AP3B1: variants seen among roughly 807,000 people sequenced by gnomAD.
AP3B1 encodes the protein AP-3 complex subunit beta-1.
In AP3B1, 61 loss-of-function variants were observed where a neutral mutation model predicts 132.5. That is an observed-to-expected ratio of 0.46 (90% CI 0.37 to 0.57). The LOEUF (loss-of-function observed/expected upper bound fraction) is 0.57. Among genes scored for constraint, AP3B1 ranks in the 20% least tolerant of loss-of-function variants. The pLI, the probability that AP3B1 is intolerant of heterozygous loss-of-function variation, is 0.00. For synonymous variants in AP3B1, 388 were observed against 438.3 expected, an observed-to-expected ratio of 0.89 and a Z score of 1.43; for missense variants, 1,120 against 1,289.4, an observed-to-expected ratio of 0.87 and a Z score of 2.01.
intron 2 of AP3B1, among the ~76,000 whole-genome samples, chr5:78,260,236 T>C (rs957969136): frequency 6.6e-6 from 1 of 152,114 alleles, no homozygotes. Context: ...GAATGCCATC[T>C]ACATTCTCTT....
intron 1 of AP3B1, 26 bp downstream of exon 1, chr5:78,294,426 C>T: frequency 6.2e-7 from 1 of 1,613,918 alleles, no homozygotes; most frequent in Non-Finnish European, 8.5e-7. Flanking sequence ...CCCTCCCATC[C>T]CCGCAACCCA....
Position 78,259,073 on chromosome 5 carries a change from TAAAAATACAA to T in AP3B1, c.204+8437_204+8446del, listed in dbSNP as rs1318973251. Among the ~76,000 whole-genome samples the T allele has an allele frequency of 1.1e-4, 16 of 151,782 alleles. 1 individual carries two copies. The highest frequency in any genetic ancestry group is 6.2e-4 in the South Asian group (3 of 4,810). Reference sequence around the variant, plus strand: ...TAACACGGTGAAACCCCATCTCTATTAAAAATACAAAAAAATACAAAAAAATTAGCCAGGC... The same window carrying T: ...TAACACGGTGAAACCCCATCTCTATTAAAAATACAAAAAAATTAGCCAGGC... On this transcript the variant is annotated intron_variant, in intron 2 of 26. Coordinates refer to ENST00000255194, the MANE Select transcript of AP3B1 (RefSeq NM_003664.5).
At position 78,108,429 on chromosome 5, in the gene AP3B1, T is replaced by C. The variant is rs561391441; in HGVS notation, c.2397+1778A>G. On this transcript the variant is annotated intron_variant, in intron 20 of 26. Transcript: ENST00000255194. ...AACAGAAATAAATAAGTAGTTATGGTAGCTCCAAGGTGGAGAGTACTTATT... is the reference window on the plus strand; with the variant it reads ...AACAGAAATAAATAAGTAGTTATGGCAGCTCCAAGGTGGAGAGTACTTATT... Among the ~76,000 whole-genome samples, 8 of 152,302 alleles carry C rather than the reference T, an allele frequency of 5.3e-5. No individual in the cohort carries two copies. In the East Asian group the frequency reaches 1.4e-3, roughly 26 times the overall value.
chr5:78,220,878 C>G (rs1242742602), intron 6 of AP3B1, among the ~76,000 whole-genome samples: 1 of 152,070 alleles, frequency 6.6e-6, no homozygotes, highest in Admixed American at 6.6e-5. Flanking sequence ...GGGACCCCAT[C>G]TTTACAAAAA....
intron 22 of AP3B1, among the ~76,000 whole-genome samples, chr5:78,056,993 T>C (rs966764956): frequency 6.6e-6 from 1 of 152,220 alleles, no homozygotes; most frequent in African/African-American, 2.4e-5. Context: ...TGTCCAGAAA[T>C]AAATCCAACT....
chr5:78,039,736 C>T lies in AP3B1; in HGVS notation c.2578-462G>A, dbSNP rs1247370189. On this transcript the variant is annotated intron_variant, in intron 22 of 26. Transcript: ENST00000255194. ...GAGCTTGCAGTGAGCCGAGATCGCG[C>T]CACTGCACTCCAGCCTGGGCGACAG... Among the ~76,000 whole-genome samples the T allele has an allele frequency of 8.7e-5, 13 of 149,128 alleles. No homozygotes were observed. In the South Asian group the frequency reaches 2.5e-3, roughly 29 times the overall value.
intron 14 of AP3B1, 146 bp downstream of exon 14, chr5:78,156,112 A>T (rs1469285554): frequency 3.0e-6 from 2 of 659,472 alleles, no homozygotes; most frequent in Non-Finnish European, 5.3e-6. Context: ...ATTCCCTCCT[A>T]TAACAGCAAG....
intron 7 of AP3B1, among the ~76,000 whole-genome samples, chr5:78,203,076 T>C (rs1224950454): frequency 6.6e-6 from 1 of 152,184 alleles, no homozygotes; most frequent in Non-Finnish European, 1.5e-5. Flanking sequence ...CCCCATGGTT[T>C]CTAATGAGAA....
At chr5:78,242,709 C>G (rs1747194229) in intron 2 of AP3B1, among the ~76,000 whole-genome samples, 1 of 151,790 alleles carries the variant, frequency 6.6e-6, no homozygotes, top group South Asian at 2.1e-4. Context: ...GTGCAGCCTC[C>G]TCTAGAATAT....
Position 78,162,879 on chromosome 5 carries a change from T to C in AP3B1, c.1303A>G (p.Ile435Val), listed in dbSNP as rs1743444933. 2.5e-6 allele frequency: 4 copies of C among 1,613,830 alleles called. No homozygotes were observed. Among genetic ancestry groups the C allele is most frequent in the Non-Finnish European group, 3.4e-6 (4 of 1,179,854 alleles). The change falls in exon 13 of 27, where the codon ATC becomes GTC. Residue 435 changes from isoleucine to valine, a missense_variant. Physicochemically the swap from Ile to Val is conservative, Grantham distance 29 (BLOSUM62 3). Transcript: ENST00000255194. Reference protein sequence around the residue: ...IQTIGRCATNILEVTDTCLNG... With the variant: ...IQTIGRCATNVLEVTDTCLNG... ...AGGCACGTGTCAGTGACTTCCAAGATGTTGGTTGCACATCTGCCTATAGTC... is the reference window on the plus strand; with the variant it reads ...AGGCACGTGTCAGTGACTTCCAAGACGTTGGTTGCACATCTGCCTATAGTC...
rs552147367 is a variant in AP3B1 at position 78,142,900 on chromosome 5, G to A, written c.1474-1581C>T. On this transcript the variant is annotated intron_variant, in intron 14 of 26. Coordinates refer to ENST00000255194, the MANE Select transcript of AP3B1 (RefSeq NM_003664.5). Reference sequence around the variant, plus strand: ...GGAAAGAAAAGAGGTTATTTCTAACGTTCCAAAGGTTACACTGCATTAAGA... The same window carrying A: ...GGAAAGAAAAGAGGTTATTTCTAACATTCCAAAGGTTACACTGCATTAAGA... 1.1e-4 allele frequency among the ~76,000 whole-genome samples: 17 copies of A among 152,098 alleles called. No homozygotes were observed. In the South Asian group the frequency reaches 2.7e-3, roughly 24 times the overall value.
rs183765801 is a variant in AP3B1, at chr5:78,013,517, A to G, written c.3131+1893T>C. 2.0e-5 allele frequency among the ~76,000 whole-genome samples: 3 copies of G among 152,342 alleles called. No homozygotes were observed. The East Asian group carries it at 5.8e-4, about 29-fold the overall frequency. On this transcript the variant is annotated intron_variant, in intron 26 of 26. Coordinates refer to ENST00000255194, the MANE Select transcript of AP3B1 (RefSeq NM_003664.5). ...AAACAAGACTGCAGTATTGCTGGAT[A>G]CTAGGTGTTTCAGGTAAAATTTCAT...
intron 22 of AP3B1, among the ~76,000 whole-genome samples, chr5:78,080,079 G>A (rs1202402431): frequency 2.0e-5 from 3 of 152,130 alleles, no homozygotes; most frequent in African/African-American, 4.8e-5. Flanking sequence ...TGCGATCCTG[G>A]CTCTTGACAA....
chr5:78,129,291 T>C lies in AP3B1; in HGVS notation c.1667A>G (p.Gln556Arg). Residue 556 changes from glutamine (Q) to arginine (R), a missense_variant, in exon 16 of 27, where the codon CAG becomes CGG. This residue lies in a region of AP3B1 where 906 missense variants were observed against 997.1 expected (regional missense o/e 0.91). Transcript: ENST00000255194. ...ATACTTGCCGAGATTTAATATGTAC[T>C]GGGTAAGCAATTTTGTCTGTTGGAA... Reference protein sequence around the residue: ...TNSKQTKLLTQYILNLGKYDQ... With the variant: ...TNSKQTKLLTRYILNLGKYDQ... 6.2e-7 allele frequency: 1 copy of C among 1,612,360 alleles called. No individual in the cohort carries two copies. The highest frequency in any genetic ancestry group is 1.3e-5 in the African/African-American group (1 of 75,016).
intron 22 of AP3B1, among the ~76,000 whole-genome samples, chr5:78,069,851 T>C (rs917657020): frequency 1.5e-4 from 23 of 152,102 alleles, no homozygotes; most frequent in African/African-American, 5.1e-4. Context: ...CTTCAAACTA[T>C]ACTACAAGGC....
chr5:78,009,346 G>A (rs1746522849), intron 26 of AP3B1, among the ~76,000 whole-genome samples: 1 of 151,378 alleles, frequency 6.6e-6, no homozygotes, highest in African/African-American at 2.4e-5. Flanking sequence ...TGTAGTCCTA[G>A]CTACTCAGGA....
intron 11 of AP3B1, among the ~76,000 whole-genome samples, chr5:78,173,697 T>A (rs1744023142): frequency 6.7e-6 from 1 of 149,426 alleles, no homozygotes; most frequent in Non-Finnish European, 1.5e-5. Context: ...CTTTGGGGTG[T>A]TCTCTGTATT....
intron 2 of AP3B1, among the ~76,000 whole-genome samples, chr5:78,245,957 A>G (rs1747361896): frequency 1.3e-5 from 2 of 152,220 alleles, no homozygotes; most frequent in South Asian, 4.1e-4. Context: ...ACAAGTTTTC[A>G]GGTAAAAAGT....
chr5:78,294,414 C>T, intron 1 of AP3B1, 38 bp downstream of exon 1: 2 of 1,613,488 alleles, frequency 1.2e-6, no homozygotes, highest in Non-Finnish European at 8.5e-7. Context: ...TCCGCAGCTC[C>T]TCCCTCCCAT....
Sources: allele counts gnomAD v4.1 joint callset (sites outside exome capture counted in the v4.1 genomes callset), GRCh38; gene constraint gnomAD v4.1.1; regional missense constraint gnomAD v4.1.1; transcripts MANE v1.5; gene names NCBI Gene and HGNC (gene_info 2026-07-23, HGNC 2026-07-21).